Variants in SVEP1 observed in about 807,000 individuals in gnomAD.
SVEP1 encodes sushi, von Willebrand factor type A, EGF and pentraxin domain containing 1.
A neutral mutation model predicts 367.3 loss-of-function variants in SVEP1; 164 were observed. That is an observed-to-expected ratio of 0.45 (90% CI 0.39 to 0.51). The LOEUF (loss-of-function observed/expected upper bound fraction) is 0.51. Ranked by LOEUF, SVEP1 falls within the 20% of genes least tolerant of loss-of-function variation. The pLI is 0.00. For missense variants in SVEP1, 4,117 were observed against 4,425.3 expected, an observed-to-expected ratio of 0.93 and a Z score of 1.98; for synonymous variants, 1,666 against 1,611.6, an observed-to-expected ratio of 1.03 and a Z score of -0.81.
At chr9:110,540,961 C>A (rs1830136950) in intron 3 of SVEP1, among the ~76,000 whole-genome samples, 2 of 152,288 alleles carry the variant, frequency 1.3e-5, no homozygotes, top group South Asian at 4.1e-4. Context: ...CAATCTCCCA[C>A]AACAACGAGG....
intron 40 of SVEP1, among the ~76,000 whole-genome samples, chr9:110,395,043 A>G (rs1478036521): frequency 3.3e-5 from 5 of 152,336 alleles, no homozygotes; most frequent in East Asian, 1.9e-4. Flanking sequence ...TCCAAGACAC[A>G]TAATTGTCAG....
chr9:110,454,137 T>C (rs1325893671), intron 22 of SVEP1, among the ~76,000 whole-genome samples: 1 of 152,166 alleles, frequency 6.6e-6, no homozygotes, highest in Non-Finnish European at 1.5e-5. Context: ...AGTTTTCAAA[T>C]ATTTTCTCCC....
At chr9:110,573,197 C>T (rs1056604179) in intron 1 of SVEP1, among the ~76,000 whole-genome samples, 6 of 151,944 alleles carry the variant, frequency 3.9e-5, no homozygotes, top group African/African-American at 1.5e-4. Flanking sequence ...AAAAAAGAAC[C>T]CAAACTTTCC....
chr9:110,493,709 G>A (rs1829404039), intron 8 of SVEP1, among the ~76,000 whole-genome samples: 1 of 151,896 alleles, frequency 6.6e-6, no homozygotes, highest in Admixed American at 6.6e-5. Context: ...TCCAGCCTGG[G>A]GACAGAGCAA....
intron 3 of SVEP1, among the ~76,000 whole-genome samples, chr9:110,520,664 G>T (rs990911627): frequency 6.6e-6 from 1 of 152,060 alleles, no homozygotes; most frequent in African/African-American, 2.4e-5. Flanking sequence ...TATCTTACCC[G>T]TTAAATATCA....
intron 27 of SVEP1, among the ~76,000 whole-genome samples, chr9:110,439,396 ATTTTT>A (rs569625959): frequency 2.0e-5 from 3 of 151,526 alleles, no homozygotes; most frequent in Non-Finnish European, 4.4e-5. Flanking sequence ...GGGTATTTTT[ATTTTT>A]TTTATTTTTG....
chr9:110,445,854 G>C lies in SVEP1; in HGVS notation c.4446C>G (p.Leu1482=), dbSNP rs757842473. The change falls in exon 26 of 48, where the codon CTC becomes CTG. Residue 1482 remains leucine, a synonymous_variant. Transcript: ENST00000374469. ...CTGCTTACCCGTTATAATCAGTCAG[G>C]AGCAAGGTATTGTCGCTGCCGTTAT... ...AVDNGSDNTL[L]LTDYNGWVLY... 6.2e-6 allele frequency: 10 copies of C among 1,613,774 alleles called. No individual in the cohort carries two copies. Among genetic ancestry groups the C allele is most frequent in the Admixed American group, 5.0e-5 (3 of 59,998 alleles).
At chr9:110,458,229 C>T (rs1055804394) in intron 20 of SVEP1, 24 of 597,556 alleles carry the variant, frequency 4.0e-5, no homozygotes, top group Admixed American at 1.1e-4. Flanking sequence ...TGGATCTACT[C>T]ATTCTTATTG....
intron 1 of SVEP1, among the ~76,000 whole-genome samples, chr9:110,558,076 A>C (rs897354772): frequency 2.6e-5 from 4 of 152,176 alleles, no homozygotes; most frequent in Non-Finnish European, 5.9e-5. Flanking sequence ...GTAAACCAAG[A>C]TAGATATATC....
chr9:110,460,716 G>A (rs1373439836), intron 18 of SVEP1, among the ~76,000 whole-genome samples: 1 of 151,504 alleles, frequency 6.6e-6, no homozygotes, highest in African/African-American at 2.4e-5. Context: ...GGCACCCACT[G>A]CACTCCAGCC....
intron 18 of SVEP1, among the ~76,000 whole-genome samples, chr9:110,460,752 CAAAAG>C (rs1344196760): frequency 2.8e-5 from 4 of 140,758 alleles, no homozygotes; most frequent in Non-Finnish European, 6.1e-5. Flanking sequence ...GACTCCGTCT[CAAAAG>C]AAAAAAAAAA....
chr9:110,390,067 A>ATACT (rs1179395261), intron 40 of SVEP1, among the ~76,000 whole-genome samples: 2 of 138,800 alleles, frequency 1.4e-5, no homozygotes, highest in African/African-American at 5.2e-5. Flanking sequence ...ATATATAAGT[A>ATACT]TATATATATA....
chr9:110,414,114 T>C (rs1222374148), intron 36 of SVEP1, among the ~76,000 whole-genome samples: 6 of 152,034 alleles, frequency 3.9e-5, no homozygotes, highest in Non-Finnish European at 7.3e-5. Flanking sequence ...TCATACTTTC[T>C]GGGTGTCCTG....
At chr9:110,499,946 C>A (rs1183277765) in intron 6 of SVEP1, among the ~76,000 whole-genome samples, 1 of 152,180 alleles carries the variant, frequency 6.6e-6, no homozygotes, top group Non-Finnish European at 1.5e-5. Flanking sequence ...GAATAAATAG[C>A]TAACATTTAT....
chr9:110,375,941 G>C (rs1286177115), intron 45 of SVEP1, among the ~76,000 whole-genome samples: 1 of 149,148 alleles, frequency 6.7e-6, no homozygotes, highest in Non-Finnish European at 1.5e-5. Context: ...TGGTAGCAAT[G>C]GGACAACACA....
At chr9:110,392,133 T>TATATATATATATATATA (rs1554710907) in intron 40 of SVEP1, among the ~76,000 whole-genome samples, 1 of 99,636 alleles carries the variant, frequency 1.0e-5, no homozygotes, top group African/African-American at 3.9e-5. Flanking sequence ...CAATTCCTCA[T>TATATATATATATATATA]TATATATATA....
rs757586899 is a variant in SVEP1 at position 110,406,989 on chromosome 9, G to A, written c.8611C>T (p.Arg2871Trp). 2.5e-6 allele frequency: 4 copies of A among 1,613,854 alleles called. No individual in the cohort carries two copies. The highest frequency in any genetic ancestry group is 3.4e-6 in the Non-Finnish European group (4 of 1,179,892). The stretch of plus-strand genomic sequence containing the variant: ...CAACTTCCATTGGCAAGACAAACCC[G>A]ACTCCTGGCTCCCTCAAGCAAGAAC... ...EGFLLEGARSRVCLANGSWSG... is the reference protein window; with the variant it reads ...EGFLLEGARSWVCLANGSWSG... Residue 2871 changes from arginine to tryptophan, a missense_variant, in exon 38 of 48, where the codon CGG becomes TGG. Arg to Trp is a moderately radical substitution (Grantham distance 101, BLOSUM62 -3). This residue lies in a region of SVEP1 where 1,765 missense variants were observed against 1,781.1 expected (regional missense o/e 0.99). Transcript: ENST00000374469.
intron 43 of SVEP1, among the ~76,000 whole-genome samples, chr9:110,385,318 G>A (rs953939321): frequency 2.6e-5 from 4 of 152,158 alleles, no homozygotes; most frequent in East Asian, 1.9e-4. Flanking sequence ...AAAAGTGTGC[G>A]TTAAAAAACG....
intron 14 of SVEP1, among the ~76,000 whole-genome samples, chr9:110,475,363 T>C (rs1829082876): frequency 6.6e-6 from 1 of 152,144 alleles, no homozygotes; most frequent in African/African-American, 2.4e-5. Context: ...AGGTGAATAC[T>C]CTTATATACC....
Sources: gnomAD v4.1 joint callset for allele counts (sites outside exome capture counted in the v4.1 genomes callset) on GRCh38, gnomAD v4.1.1 for gene constraint, gnomAD v4.1.1 regional missense constraint, MANE v1.5 for transcripts, NCBI Gene and HGNC (gene_info 2026-07-23, HGNC 2026-07-21) for gene names.